Variants in VAV2 observed in about 807,000 individuals in gnomAD.
VAV2 encodes the protein guanine nucleotide exchange factor VAV2.
Under a neutral mutation model 132.5 loss-of-function variants are expected in VAV2, and 67 were observed. That is an observed-to-expected ratio of 0.51 (90% confidence interval 0.42 to 0.62). The LOEUF (loss-of-function observed/expected upper bound fraction) is 0.62. VAV2 is among the 20% of genes least tolerant of loss of function. The pLI is 0.00. For missense variants in VAV2, 938 were observed against 1,153.6 expected, an observed-to-expected ratio of 0.81 and a Z score of 2.71; for synonymous variants, 492 against 443.5, an observed-to-expected ratio of 1.11 and a Z score of -1.37.
intron 2 of VAV2, among the ~76,000 whole-genome samples, chr9:133,927,429 G>C (rs1317970891): frequency 2.0e-5 from 3 of 152,220 alleles, no homozygotes; most frequent in African/African-American, 7.2e-5. Context: ...GAACACAGCA[G>C]AGGCTCAGCC....
chr9:133,780,846 T>C (rs1179087239), intron 19 of VAV2, 136 bp from the exon 20 acceptor site: 1 of 1,014,602 alleles, frequency 9.9e-7, no homozygotes, highest in East Asian at 3.3e-5. Context: ...GTGGTCTGTT[T>C]TGGACATGGA....
chr9:133,989,923 C>G (rs1363522470), intron 1 of VAV2, among the ~76,000 whole-genome samples: 1 of 152,252 alleles, frequency 6.6e-6, no homozygotes, highest in Non-Finnish European at 1.5e-5. Flanking sequence ...GAGTGGATGG[C>G]AAGATCAGCC....
At chr9:133,779,426 G>C (rs950108148) in intron 21 of VAV2, among the ~76,000 whole-genome samples, 1 of 152,278 alleles carries the variant, frequency 6.6e-6, no homozygotes, top group Admixed American at 6.5e-5. Context: ...CCCAGCAGCA[G>C]CAGCAGCATT....
Position 133,966,473 on chromosome 9 carries a change from A to G in VAV2, c.204+25602T>C, listed in dbSNP as rs561629588. 6.6e-5 allele frequency among the ~76,000 whole-genome samples: 10 copies of G among 152,336 alleles called. No homozygotes were observed. The East Asian group carries it at 1.9e-3, about 29-fold the overall frequency. ...ATAATCCCAACACTTTGAGAGGCCG[A>G]GGCGGGAAGATGGCTTGAGGCCAGG... is the stretch of plus-strand genomic sequence containing the variant. On this transcript the variant is annotated intron_variant, in intron 1 of 29. Coordinates refer to ENST00000371850, the MANE Select transcript of VAV2 (RefSeq NM_001134398.2).
intron 15 of VAV2, 111 bp from the exon 16 acceptor site, chr9:133,787,371 A>C: frequency 7.9e-7 from 1 of 1,265,330 alleles, no homozygotes; most frequent in South Asian, 2.2e-5. Context: ...CAGGTGGAAC[A>C]CCCCCCAGTG....
Position 133,918,641 on chromosome 9 carries a change from C to T in VAV2, c.321+20462G>A, listed in dbSNP as rs1259259670. ...GAGGCCCACAGAGTCATGTAGCATG[C>T]CCGAGGTCGCGCCTTTAATAAACAC... On this transcript the variant is annotated intron_variant, in intron 2 of 29. Coordinates refer to ENST00000371850, the MANE Select transcript of VAV2 (RefSeq NM_001134398.2). This position sits in a 1 kb window ranked among gnomAD's most constrained non-coding sequence, Gnocchi z 4.7. Among the ~76,000 whole-genome samples the T allele has an allele frequency of 1.3e-5, 2 of 152,104 alleles. No homozygotes were observed. The highest frequency in any genetic ancestry group is 2.9e-5 in the Non-Finnish European group (2 of 68,034).
chr9:133,985,394 A>G (rs1588227903), intron 1 of VAV2, among the ~76,000 whole-genome samples: 1 of 151,966 alleles, frequency 6.6e-6, no homozygotes, highest in Admixed American at 6.6e-5. Context: ...CGATTCTCCT[A>G]CCTCAGCCTC....
chr9:133,800,947 G>T (rs1266044995), intron 9 of VAV2, among the ~76,000 whole-genome samples: 1 of 152,226 alleles, frequency 6.6e-6, no homozygotes, highest in Non-Finnish European at 1.5e-5. Context: ...AAAGCAAGGA[G>T]ATAGGTCAAA....
intron 5 of VAV2, among the ~76,000 whole-genome samples, chr9:133,811,697 C>T (rs2131701982): frequency 6.6e-6 from 1 of 152,226 alleles, no homozygotes; most frequent in East Asian, 1.9e-4. Context: ...TCATTCTCCA[C>T]ACAAAGGGGG....
rs1403412866 is a variant in VAV2 at position 133,834,104 on chromosome 9, C to T, written c.449+168G>A. Among the ~76,000 whole-genome samples the T allele has an allele frequency of 3.9e-5, 6 of 152,218 alleles. No homozygotes were observed. Among genetic ancestry groups the T allele is most frequent in the South Asian group, 2.1e-4 (1 of 4,826 alleles). On this transcript the variant is annotated intron_variant, in intron 4 of 29. Coordinates refer to ENST00000371850, the MANE Select transcript of VAV2 (RefSeq NM_001134398.2). The surrounding 1 kb of genome is among the most constrained non-coding windows in gnomAD (Gnocchi z 5.9). ...CAGATGCATGCCTTCCCACTCAGCA[C>T]GGAAGCCCACACCATGACCCATCAT... is the stretch of plus-strand genomic sequence containing the variant.
At chr9:133,827,318 GCTGTGCCCACTGGGGCTGACCA>G in intron 4 of VAV2, among the ~76,000 whole-genome samples, 2 of 12,674 alleles carry the variant, frequency 1.6e-4, no homozygotes, top group Admixed American at 1.8e-3. Flanking sequence ...GCCAGCTACT[GCTGTGCCCACTGGGGCTGACCA>G]CTGAGCGGGG....
At chr9:133,985,953 G>A (rs1270322542) in intron 1 of VAV2, among the ~76,000 whole-genome samples, 3 of 151,884 alleles carry the variant, frequency 2.0e-5, no homozygotes, top group Non-Finnish European at 2.9e-5. Flanking sequence ...GAGGGAGAGA[G>A]GGAAAAGAAA....
intron 1 of VAV2, among the ~76,000 whole-genome samples, chr9:133,952,495 C>T (rs896329392): frequency 1.2e-4 from 18 of 151,784 alleles, no homozygotes; most frequent in African/African-American, 7.3e-5. Flanking sequence ...CCCAGCTACT[C>T]GGGAGGCTGA....
At chr9:133,906,896 G>A (rs12349289) in intron 2 of VAV2, among the ~76,000 whole-genome samples, 3,930 of 152,172 alleles carry the variant, frequency 0.026, 73 homozygotes, top group African/African-American at 0.047. Context: ...GGGGACCCTC[G>A]CCCCGTCCCA....
chr9:133,785,391 G>A (rs754075488), intron 17 of VAV2, among the ~76,000 whole-genome samples: 4 of 152,272 alleles, frequency 2.6e-5, no homozygotes, highest in East Asian at 1.9e-4. Context: ...GTGACAAGCC[G>A]CCAGCCCGTA....
intron 2 of VAV2, among the ~76,000 whole-genome samples, chr9:133,911,748 C>T (rs1029963213): frequency 6.6e-6 from 1 of 152,194 alleles, no homozygotes. Context: ...CAAAAGTAAG[C>T]GCATTAAACA....
At chr9:133,923,000 C>T (rs1337541473) in intron 2 of VAV2, among the ~76,000 whole-genome samples, 1 of 152,208 alleles carries the variant, frequency 6.6e-6, no homozygotes, top group Non-Finnish European at 1.5e-5. Flanking sequence ...TACAACTCAA[C>T]AACAACAAAA....
chr9:133,861,541 A>G (rs1392821451), intron 2 of VAV2, 109 bp from the exon 3 acceptor site: 50 of 1,209,490 alleles, frequency 4.1e-5, no homozygotes, highest in Non-Finnish European at 5.5e-5. Context: ...AACTGAGCAC[A>G]TCGCATCTGG....
chr9:133,944,850 C>G (rs933054057), intron 1 of VAV2, among the ~76,000 whole-genome samples: 1 of 152,226 alleles, frequency 6.6e-6, no homozygotes, highest in Non-Finnish European at 1.5e-5. Flanking sequence ...GGGAGGTGAC[C>G]CTCGCTGCTC....
Sources: gnomAD v4.1 joint callset for allele counts (sites outside exome capture counted in the v4.1 genomes callset) on GRCh38, gnomAD v4.1.1 for gene constraint, Gnocchi (gnomAD v3.1) non-coding constraint, MANE v1.5 for transcripts, NCBI Gene and HGNC (gene_info 2026-07-23, HGNC 2026-07-21) for gene names.